Variants in MARK3 observed in about 807,000 individuals in gnomAD.
MARK3 encodes MAP/microtubule affinity-regulating kinase 3.
In MARK3, 46 loss-of-function variants were observed where a neutral mutation model predicts 90.1. The observed-to-expected ratio is 0.51, with a 90% CI of 0.40 to 0.65. The LOEUF is 0.65. MARK3 is among the 30% of genes least tolerant of loss of function. The pLI is 0.00. For missense variants in MARK3, 818 were observed against 947.2 expected, an observed-to-expected ratio of 0.86 and a Z score of 1.79; for synonymous variants, 321 against 332.6, an observed-to-expected ratio of 0.97 and a Z score of 0.38.
chr14:103,412,008 T>G, intron 2 of MARK3: 1 of 317,714 alleles, frequency 3.1e-6, no homozygotes. Flanking sequence ...TAAGTTGCCA[T>G]TTTCTAAAAA....
chr14:103,387,833 C>A (rs973131989), intron 1 of MARK3, among the ~76,000 whole-genome samples: 1 of 152,096 alleles, frequency 6.6e-6, no homozygotes, highest in Admixed American at 6.6e-5. Context: ...AGAAGCAAAA[C>A]CTTACATTGA....
intron 3 of MARK3, among the ~76,000 whole-genome samples, chr14:103,441,734 A>G (rs984080672): frequency 1.3e-5 from 2 of 152,160 alleles, no homozygotes; most frequent in Admixed American, 6.6e-5. Flanking sequence ...TTTCGTATGT[A>G]TAATCACTTG....
At chr14:103,389,528 C>CAAAAA (rs67737305) in intron 1 of MARK3, among the ~76,000 whole-genome samples, 16 of 49,844 alleles carry the variant, frequency 3.2e-4, no homozygotes, top group East Asian at 9.2e-4. Context: ...ACTCTGTCTC[C>CAAAAA]AAAAAAAAAA....
intron 14 of MARK3, chr14:103,489,503 T>G (rs2093982857): frequency 6.6e-6 from 1 of 152,346 alleles, no homozygotes; most frequent in Non-Finnish European, 1.5e-5. Context: ...GTGAATAGAT[T>G]GGAGGTGTTG....
chr14:103,428,337 C>A, intron 2 of MARK3, 50 bp from the exon 3 acceptor site: 1 of 1,001,598 alleles, frequency 1.0e-6, no homozygotes, highest in Non-Finnish European at 1.5e-6. Flanking sequence ...ATTTATCAGT[C>A]CATAATTACT....
At chr14:103,444,505 G>A (rs868350587) in intron 3 of MARK3, among the ~76,000 whole-genome samples, 4 of 152,196 alleles carry the variant, frequency 2.6e-5, no homozygotes, top group Non-Finnish European at 5.9e-5. Flanking sequence ...TAGGCTGGGC[G>A]CGGTGGCTCA....
chr14:103,476,193 A>G (rs963586323), intron 13 of MARK3, among the ~76,000 whole-genome samples: 15 of 152,180 alleles, frequency 9.9e-5, no homozygotes, highest in African/African-American at 3.6e-4. Flanking sequence ...GTGCTGAGAC[A>G]TGGAAAGACC....
At chr14:103,424,634 C>T (rs1372419029) in intron 2 of MARK3, among the ~76,000 whole-genome samples, 1 of 151,984 alleles carries the variant, frequency 6.6e-6, no homozygotes, top group Non-Finnish European at 1.5e-5. Context: ...AACCACGTCT[C>T]AGAAGCTCAG....
At chr14:103,413,141 T>C (rs1459724028) in intron 2 of MARK3, among the ~76,000 whole-genome samples, 1 of 152,186 alleles carries the variant, frequency 6.6e-6, no homozygotes, top group Non-Finnish European at 1.5e-5. Context: ...CCCAAAGTGC[T>C]GGGATTACCA....
chr14:103,412,609 GC>G, intron 2 of MARK3: 1 of 987,444 alleles, frequency 1.0e-6, no homozygotes, highest in East Asian at 3.5e-5. Flanking sequence ...GCCTGACGGT[GC>G]CCGAGAAGCG....
intron 17 of MARK3, among the ~76,000 whole-genome samples, chr14:103,501,144 A>G (rs2142161523): frequency 6.6e-6 from 1 of 152,274 alleles, no homozygotes; most frequent in South Asian, 2.1e-4. Context: ...TAAAACCTTC[A>G]GTGACCTCCA....
chr14:103,460,073 C>CTTTTTTTTTTTTTTTT lies in MARK3; in HGVS notation c.484-2316_484-2301dup, dbSNP rs571611660. Reference sequence around the variant, plus strand: ...AAAAAGAATAGATTTCCAGCTCCATCTTTTTTTTTTTTTTTTTTTTTTTTT... The same window carrying CTTTTTTTTTTTTTTTT: ...AAAAAGAATAGATTTCCAGCTCCATCTTTTTTTTTTTTTTTTTTTTTTTTTTTTTTTTTTTTTTTTT... On this transcript the variant is annotated intron_variant, in intron 6 of 17. Coordinates refer to ENST00000429436, the MANE Select transcript of MARK3 (RefSeq NM_001128918.3). Among the ~76,000 whole-genome samples, 183 of 41,720 alleles carry CTTTTTTTTTTTTTTTT rather than the reference C, an allele frequency of 4.4e-3. 41 individuals are homozygous for CTTTTTTTTTTTTTTTT. The highest frequency in any genetic ancestry group is 6.2e-3 in the Non-Finnish European group (156 of 25,344). 27.4% of individuals were successfully genotyped at this position (41,720 alleles called of 152,430 possible).
At chr14:103,444,626 A>T (rs1030411986) in intron 3 of MARK3, among the ~76,000 whole-genome samples, 12 of 152,132 alleles carry the variant, frequency 7.9e-5, no homozygotes, top group Admixed American at 2.0e-4. Context: ...AAAATACAAA[A>T]ATTAGCTGGA....
rs71460676 is a variant in MARK3, at chr14:103,436,409, CTTTT to C, written c.297+7980_297+7983del. ...CTCTTTTCATCTTTTTCTTTTCTTT[CTTTT>C]TTTTTTTTTTCCAACTATCTTTCTC... On this transcript the variant is annotated intron_variant, in intron 3 of 17. Coordinates refer to ENST00000429436, the MANE Select transcript of MARK3 (RefSeq NM_001128918.3). Among the ~76,000 whole-genome samples, 38 of 140,698 alleles carry C rather than the reference CTTTT, an allele frequency of 2.7e-4. 3 individuals are homozygous for C. Among genetic ancestry groups the C allele is most frequent in the Admixed American group, 2.0e-3 (28 of 14,072 alleles). 92.3% of individuals were successfully genotyped at this position (140,698 alleles called of 152,430 possible).
chr14:103,412,263 G>A (rs2091686890), intron 2 of MARK3: 5 of 697,350 alleles, frequency 7.2e-6, no homozygotes, highest in South Asian at 1.7e-5. Context: ...ATCTTCACGT[G>A]GCCAACAGCC....
chr14:103,418,459 G>A (rs2092056075), intron 2 of MARK3, among the ~76,000 whole-genome samples: 1 of 151,952 alleles, frequency 6.6e-6, no homozygotes, highest in South Asian at 2.1e-4. Flanking sequence ...GGAGTTGTCT[G>A]GTGCTTTTAT....
At chr14:103,442,963 A>G (rs373186175) in intron 3 of MARK3, among the ~76,000 whole-genome samples, 2 of 146,398 alleles carry the variant, frequency 1.4e-5, no homozygotes, top group East Asian at 3.9e-4. Flanking sequence ...CCCACCGACA[A>G]GGAAGTGAGA....
At chr14:103,501,575 G>A (rs1430484566) in intron 17 of MARK3, among the ~76,000 whole-genome samples, 3 of 152,068 alleles carry the variant, frequency 2.0e-5, no homozygotes, top group Non-Finnish European at 2.9e-5. Flanking sequence ...ATTGCATTTT[G>A]TTGAAATCCC....
intron 5 of MARK3, among the ~76,000 whole-genome samples, chr14:103,452,489 T>TTTTTTTTTTTTTTTTTTTTTTTTTTG: frequency 7.3e-6 from 1 of 137,428 alleles, no homozygotes; most frequent in Admixed American, 7.5e-5. Context: ...TTTTTTTTTT[T>TTTTTTTTTTTTTTTTTTTTTTTTTTG]GAGACGGAGT....
Sources: gnomAD v4.1 joint callset for allele counts (sites outside exome capture counted in the v4.1 genomes callset) on GRCh38, gnomAD v4.1.1 for gene constraint, MANE v1.5 for transcripts, NCBI Gene and HGNC (gene_info 2026-07-23, HGNC 2026-07-21) for gene names.